The following CUL4A variants were observed in gnomAD, a reference collection of about 807,000 sequenced individuals.
CUL4A encodes the protein cullin-4A.
In CUL4A, 16 loss-of-function variants were observed where a neutral mutation model predicts 95.5. The ratio of observed to expected loss-of-function variants is 0.17; its 90% confidence interval spans 0.11 to 0.25. The LOEUF is 0.25. Among genes scored for constraint, CUL4A ranks in the 10% least tolerant of loss-of-function variants. The pLI is 1.00. For missense variants in CUL4A, 610 were observed against 937.0 expected (o/e 0.65, Z 4.56); for synonymous variants, 380 against 353.1 (o/e 1.08, Z -0.85).
At chr13:113,256,925 C>CTTTTTTTTTTTTTT (rs1491171316) in intron 18 of CUL4A, among the ~76,000 whole-genome samples, 195 of 37,154 alleles carry the variant, frequency 5.2e-3, no homozygotes, top group Non-Finnish European at 6.1e-3. Context: ...TTTTTTTTTT[C>CTTTTTTTTTTTTTT]GTTTTTTTTT....
upstream of CUL4A, chr13:113,208,871 G>A: frequency 7.1e-7 from 1 of 1,403,806 alleles, no homozygotes. Context: ...CTCTGATTGT[G>A]TGTTCGGGCC....
chr13:113,231,430 A>C (rs771106840), intron 5 of CUL4A, among the ~76,000 whole-genome samples: 2 of 152,158 alleles, frequency 1.3e-5, no homozygotes, highest in Non-Finnish European at 2.9e-5. Flanking sequence ...TGACCAGAAG[A>C]AGCCTGTGTG....
intron 4 of CUL4A, 133 bp from the exon 5 acceptor site, chr13:113,229,310 AAAT>A: frequency 5.8e-6 from 4 of 685,490 alleles, no homozygotes; most frequent in South Asian, 1.8e-5. Flanking sequence ...TAGAAAAAAA[AAAT>A]AAAACATGAG....
At chr13:113,237,578 A>C (rs2041587629) in intron 9 of CUL4A, among the ~76,000 whole-genome samples, 1 of 152,112 alleles carries the variant, frequency 6.6e-6, no homozygotes, top group African/African-American at 2.4e-5. Flanking sequence ...ATTCTATGAA[A>C]ATTACAATGA....
At chr13:113,255,899 C>T (rs1251453849) in intron 18 of CUL4A, among the ~76,000 whole-genome samples, 1 of 152,170 alleles carries the variant, frequency 6.6e-6, no homozygotes, top group Non-Finnish European at 1.5e-5. Flanking sequence ...AAGTTTTTAA[C>T]TCCTTTGAGG....
At chr13:113,214,045 G>C (rs531632789) in intron 2 of CUL4A, among the ~76,000 whole-genome samples, 1 of 152,356 alleles carries the variant, frequency 6.6e-6, no homozygotes, top group South Asian at 2.1e-4. Flanking sequence ...CTCAGTTTTT[G>C]TATAGGTGGG....
intron 18 of CUL4A, 99 bp from the exon 19 acceptor site, chr13:113,260,508 C>A: frequency 3.7e-6 from 4 of 1,081,398 alleles, no homozygotes; most frequent in East Asian, 5.3e-5. Flanking sequence ...CGAGATCACA[C>A]CATTGCACTC....
At chr13:113,241,053 G>A (rs556150515) in intron 10 of CUL4A, among the ~76,000 whole-genome samples, 7 of 152,336 alleles carry the variant, frequency 4.6e-5, no homozygotes, top group African/African-American at 1.7e-4. Flanking sequence ...CTGAAGTCAT[G>A]TATCAGTCCA....
intron 5 of CUL4A, among the ~76,000 whole-genome samples, chr13:113,231,304 G>T (rs192793238): frequency 7.5e-4 from 114 of 152,248 alleles, no homozygotes; most frequent in African/African-American, 2.5e-3. Context: ...GGTGAACCTT[G>T]GCCTGTGCTT....
intron 5 of CUL4A, among the ~76,000 whole-genome samples, chr13:113,230,920 A>C (rs1322897987): frequency 6.6e-6 from 1 of 152,046 alleles, no homozygotes; most frequent in Non-Finnish European, 1.5e-5. Flanking sequence ...ATAGGCACGC[A>C]CCACCACATT....
chr13:113,242,735 G>A (rs966941484), intron 10 of CUL4A, among the ~76,000 whole-genome samples: 10 of 152,240 alleles, frequency 6.6e-5, no homozygotes, highest in South Asian at 2.1e-4. Flanking sequence ...GCAGTGAACC[G>A]TGATTGCACC....
intron 5 of CUL4A, among the ~76,000 whole-genome samples, chr13:113,230,609 C>T (rs1021475760): frequency 2.0e-5 from 3 of 152,192 alleles, no homozygotes; most frequent in Non-Finnish European, 4.4e-5. Context: ...TTGCTCTGTG[C>T]AAGGGACTGT....
At chr13:113,229,289 A>C (rs2041223664) in intron 4 of CUL4A, among the ~76,000 whole-genome samples, 157 bp from the exon 5 acceptor site, 1 of 152,264 alleles carries the variant, frequency 6.6e-6, no homozygotes, top group Admixed American at 6.5e-5. Context: ...CCAAGGGGAC[A>C]AAATTAACTT....
chr13:113,252,465 G>A (rs1455804692), intron 15 of CUL4A, among the ~76,000 whole-genome samples: 2 of 151,506 alleles, frequency 1.3e-5, no homozygotes, highest in Non-Finnish European at 2.9e-5. Flanking sequence ...ACTTGCACCT[G>A]GGAGATCCAG....
chr13:113,240,865 A>G (rs1355911846), intron 10 of CUL4A, among the ~76,000 whole-genome samples: 1 of 152,242 alleles, frequency 6.6e-6, no homozygotes, highest in Non-Finnish European at 1.5e-5. Context: ...TCAGTACCCC[A>G]GCTGAGACAC....
intron 5 of CUL4A, among the ~76,000 whole-genome samples, chr13:113,230,641 C>G (rs765297905): frequency 6.6e-6 from 1 of 152,114 alleles, no homozygotes; most frequent in Non-Finnish European, 1.5e-5. Flanking sequence ...GTATTTAATC[C>G]CTAGAGCAGC....
At chr13:113,219,165 T>A (rs2040806240) in intron 3 of CUL4A, 117 bp downstream of exon 3, 2 of 558,938 alleles carry the variant, frequency 3.6e-6, no homozygotes, top group East Asian at 6.3e-5. Context: ...GCTTTTAAAG[T>A]TCTCTTTTAT....
intron 3 of CUL4A, among the ~76,000 whole-genome samples, chr13:113,224,212 G>A (rs958302925): frequency 6.6e-6 from 1 of 152,134 alleles, no homozygotes. Context: ...AATTAGCCGG[G>A]CGTGGTGGCG....
At chr13:113,232,275 T>C (rs1885954) in intron 5 of CUL4A, among the ~76,000 whole-genome samples, 2,280 of 3,490 alleles carry the variant, frequency 0.65, 967 homozygotes, top group African/African-American at 0.69. Flanking sequence ...CGCCCACCAC[T>C]ATTACTGCTG....
Sources: gnomAD v4.1 joint callset for allele counts (sites outside exome capture counted in the v4.1 genomes callset) on GRCh38, gnomAD v4.1.1 for gene constraint, MANE v1.5 for transcripts, NCBI Gene and HGNC (gene_info 2026-07-23, HGNC 2026-07-21) for gene names.